ABCB1: variants seen among roughly 807,000 people sequenced by gnomAD.
The protein encoded by ABCB1 is ATP binding cassette subfamily B member 1.
A neutral mutation model predicts 142.0 loss-of-function variants in ABCB1; 69 were observed. The ratio of observed to expected loss-of-function variants is 0.49; its 90% CI spans 0.40 to 0.59. The LOEUF (loss-of-function observed/expected upper bound fraction) is 0.59, where lower values mean the gene tolerates loss of function less well. Ranked by LOEUF, ABCB1 falls within the 20% of genes least tolerant of loss-of-function variation. The pLI, the probability that ABCB1 is intolerant of heterozygous loss-of-function variation, is 0.00. For missense variants in ABCB1, 1,326 were observed against 1,554.7 expected, an observed-to-expected ratio of 0.85 and a Z score of 2.47; for synonymous variants, 532 against 539.2, an observed-to-expected ratio of 0.99 and a Z score of 0.18.
Position 87,519,306 on chromosome 7 carries a change from A to C in ABCB1, c.2927+20T>G. 6.2e-7 allele frequency: 1 copy of C among 1,612,108 alleles called. No homozygotes were observed. Among genetic ancestry groups the C allele is most frequent in the Non-Finnish European group, 8.5e-7 (1 of 1,178,314 alleles). ...CAGCTTTATTTTTAGAGCTTAACTA[A>C]ATAATAGCCCAATACTTACAACAGA... On this transcript the variant is annotated intron_variant, in intron 23 of 27. Coordinates refer to ENST00000622132, the MANE Select transcript of ABCB1 (RefSeq NM_001348946.2).
At chr7:87,594,018 T>C (rs1342839694) in intron 3 of ABCB1, among the ~76,000 whole-genome samples, 1 of 152,262 alleles carries the variant, frequency 6.6e-6, no homozygotes, top group African/African-American at 2.4e-5. Context: ...TGAAAACTAT[T>C]ATTAATAAGC....
At chr7:87,519,173 G>C (rs1358095781) in intron 23 of ABCB1, among the ~76,000 whole-genome samples, 153 bp downstream of exon 23, 1 of 152,194 alleles carries the variant, frequency 6.6e-6, no homozygotes, top group Non-Finnish European at 1.5e-5. Context: ...TGCTTCAATG[G>C]TGGCACATGA....
Position 87,703,914 on chromosome 7 carries a change from G to GTTTTTTTTTTTTTTTTT in ABCB1, c.-331+9230_-331+9246dup, listed in dbSNP as rs35797972. Among the ~76,000 whole-genome samples, 86 of 42,984 alleles carry GTTTTTTTTTTTTTTTTT rather than the reference G, an allele frequency of 2.0e-3. 2 individuals are homozygous for GTTTTTTTTTTTTTTTTT. Among genetic ancestry groups the GTTTTTTTTTTTTTTTTT allele is most frequent in the Non-Finnish European group, 2.6e-3 (62 of 23,842 alleles). The allele number at this position is 42,984 out of a possible 152,430, so 28.2% of individuals were successfully genotyped here. ...TTTTTTTTTTTTTTTTTTTTTTTTG[G>GTTTTTTTTTTTTTTTTT]TTTTTTTTTTTTTTTTTTTTTTTTT... On this transcript the variant is annotated intron_variant, in intron 1 of 28. Coordinates refer to the ABCB1 transcript ENST00000265724.
At chr7:87,709,671 C>A (rs1199396569) in intron 1 of ABCB1, among the ~76,000 whole-genome samples, 1 of 152,130 alleles carries the variant, frequency 6.6e-6, no homozygotes, top group Admixed American at 6.5e-5. Context: ...GCAGACATTT[C>A]TAGAGTATGT....
intron 1 of ABCB1, among the ~76,000 whole-genome samples, chr7:87,633,041 C>T (rs1472804569): frequency 1.3e-5 from 2 of 152,084 alleles, no homozygotes; most frequent in Non-Finnish European, 2.9e-5. Context: ...TATGAATAGT[C>T]TTAGTTTTCT....
At position 87,516,490 on chromosome 7, in the gene ABCB1, G is replaced by T. The variant is rs781685515; in HGVS notation, c.3084+19C>A. On this transcript the variant is annotated intron_variant, in intron 24 of 27. Transcript: ENST00000622132. ...TCAGGAGTCAGGAGTAGATCAAACA[G>T]TTGAAACATCAAACTCACCGGCATT... 2 of 1,613,956 alleles carry T rather than the reference G, an allele frequency of 1.2e-6. No homozygotes were observed. The highest frequency in any genetic ancestry group is 2.7e-5 in the African/African-American group (2 of 74,916).
chr7:87,552,745 A>T (rs1817133232), intron 9 of ABCB1, among the ~76,000 whole-genome samples: 1 of 151,132 alleles, frequency 6.6e-6, no homozygotes, highest in Non-Finnish European at 1.5e-5. Context: ...TATTGAATCC[A>T]TATTACAAAT....
chr7:87,707,692 T>TAAATA (rs899256475), intron 1 of ABCB1, among the ~76,000 whole-genome samples: 17 of 151,642 alleles, frequency 1.1e-4, no homozygotes, highest in South Asian at 4.2e-4. Flanking sequence ...ATAAAATAAA[T>TAAATA]AAATAAAATA....
At chr7:87,505,425 C>T (rs1463381568) in intron 27 of ABCB1, among the ~76,000 whole-genome samples, 1 of 152,154 alleles carries the variant, frequency 6.6e-6, no homozygotes, top group Non-Finnish European at 1.5e-5. Flanking sequence ...GAAGCCTGAG[C>T]AAAGGCCAAA....
chr7:87,539,295 G>A lies in ABCB1; in HGVS notation c.2370C>T (p.Tyr790=). Residue 790 remains tyrosine, a synonymous_variant, in exon 19 of 28, where the codon TAC becomes TAT. Coordinates refer to ENST00000622132, the MANE Select transcript of ABCB1 (RefSeq NM_001348946.2). ...AGEILTKRLR[Y]MVFRSMLRQD... ...GTCTGAGCATGGATCGGAAAACCATGTATCGGAGCCGCTTGGTGAGGATCT... is the reference window on the plus strand; with the variant it reads ...GTCTGAGCATGGATCGGAAAACCATATATCGGAGCCGCTTGGTGAGGATCT... 2 of 1,614,178 alleles carry A rather than the reference G, an allele frequency of 1.2e-6. No homozygotes were observed. Among genetic ancestry groups the A allele is most frequent in the South Asian group, 1.1e-5 (1 of 91,084 alleles).
chr7:87,678,293 G>A (rs1826580300), intron 1 of ABCB1, among the ~76,000 whole-genome samples: 1 of 152,112 alleles, frequency 6.6e-6, no homozygotes, highest in Admixed American at 6.6e-5. Flanking sequence ...GGCATTGCTG[G>A]GGAAGGTTTC....
In ABCB1 at chr7:87,520,759, T is replaced by C. The variant is rs1394659432; in HGVS notation, c.2786+17A>G. On this transcript the variant is annotated intron_variant, in intron 22 of 27. Transcript: ENST00000622132. Reference sequence around the variant, plus strand: ...AAAATTATTCACACTCTCCTCCCACTCTTCAGCGGTTATTACCTGTATGGT... The same window carrying C: ...AAAATTATTCACACTCTCCTCCCACCCTTCAGCGGTTATTACCTGTATGGT... The C allele has an allele frequency of 3.1e-6, 5 of 1,595,486 alleles. No homozygotes were observed. Among genetic ancestry groups the C allele is most frequent in the South Asian group, 2.2e-5 (2 of 90,720 alleles).
At chr7:87,666,417 A>AT (rs1211829083) in intron 1 of ABCB1, among the ~76,000 whole-genome samples, 1 of 151,880 alleles carries the variant, frequency 6.6e-6, no homozygotes, top group Admixed American at 6.6e-5. Flanking sequence ...GTTTGTAAAT[A>AT]TTTTTTTCCC....
chr7:87,591,255 A>G lies in ABCB1; in HGVS notation c.117+4511T>C, dbSNP rs111652509. Reference sequence around the variant, plus strand: ...GGGAAGGAAACAGAGCCTCCAGAAGAAATGCAATCCTGCTGATACCTTGAC... The same window carrying G: ...GGGAAGGAAACAGAGCCTCCAGAAGGAATGCAATCCTGCTGATACCTTGAC... On this transcript the variant is annotated intron_variant, in intron 3 of 27. Transcript: ENST00000622132. Among the ~76,000 whole-genome samples the G allele has an allele frequency of 2.6e-3, 396 of 152,300 alleles. 1 individual carries two copies. Among genetic ancestry groups the G allele is most frequent in the African/African-American group, 9.0e-3 (374 of 41,554 alleles).
At chr7:87,666,562 C>A (rs904147409) in intron 1 of ABCB1, among the ~76,000 whole-genome samples, 1 of 152,118 alleles carries the variant, frequency 6.6e-6, no homozygotes, top group African/African-American at 2.4e-5. Context: ...AAATCTCTGC[C>A]CATTCCTATG....
upstream of ABCB1, among the ~76,000 whole-genome samples, chr7:87,602,706 G>C (rs1045998268): frequency 2.0e-5 from 3 of 152,160 alleles, no homozygotes; most frequent in Non-Finnish European, 4.4e-5. Context: ...ATATAAGTAA[G>C]TTAAAGATCA....
chr7:87,531,827 T>C (rs1584853589), intron 20 of ABCB1: 1 of 275,066 alleles, frequency 3.6e-6, no homozygotes, highest in East Asian at 8.4e-5. Context: ...TCTGACAAAC[T>C]AGGAATGATG....
In ABCB1 at chr7:87,536,547, G is replaced by T; in HGVS notation, c.2398-6C>A. The T allele has an allele frequency of 1.2e-6, 2 of 1,613,594 alleles. No individual in the cohort carries two copies. Among genetic ancestry groups the T allele is most frequent in the Non-Finnish European group, 1.7e-6 (2 of 1,179,678 alleles). On this transcript the variant is annotated splice_polypyrimidine_tract_variant and splice_region_variant and intron_variant, in intron 19 of 27. Coordinates refer to ENST00000622132, the MANE Select transcript of ABCB1 (RefSeq NM_001348946.2). ...TCATCAAACCAACTCACATCCTGTG[G>T]CACAGAAAATGATTTTATTACCTTA...
At chr7:87,576,778 G>C (rs1044012015) in intron 4 of ABCB1, among the ~76,000 whole-genome samples, 1 of 150,680 alleles carries the variant, frequency 6.6e-6, no homozygotes. Flanking sequence ...TTTTAATTTG[G>C]GTGGTACATA....
Sources: allele counts gnomAD v4.1 joint callset (sites outside exome capture counted in the v4.1 genomes callset), GRCh38; gene constraint gnomAD v4.1.1; transcripts MANE v1.5; gene names NCBI Gene and HGNC (gene_info 2026-07-23, HGNC 2026-07-21).